The following CAMTA1 variants were observed in gnomAD, a reference collection of about 807,000 sequenced individuals.
CAMTA1 encodes calmodulin-binding transcription activator 1.
A neutral mutation model predicts 170.9 loss-of-function variants in CAMTA1; 27 were observed. The observed-to-expected ratio is 0.16, with a 90% CI of 0.12 to 0.22. The LOEUF (loss-of-function observed/expected upper bound fraction) is 0.22. CAMTA1 is among the 10% of genes least tolerant of loss of function. The pLI, the probability that CAMTA1 is intolerant of heterozygous loss-of-function variation, is 1.00. For synonymous variants in CAMTA1, 833 were observed against 891.5 expected (o/e 0.93, Z 1.17); for missense variants, 1,619 against 2,217.2 (o/e 0.73, Z 5.42).
At chr1:7,272,981 G>A (rs991410773) in intron 5 of CAMTA1, among the ~76,000 whole-genome samples, 7 of 152,130 alleles carry the variant, frequency 4.6e-5, no homozygotes, top group Non-Finnish European at 8.8e-5. Flanking sequence ...TATATGAATA[G>A]CCAATTAACA....
At chr1:7,311,272 A>G (rs975883264) in intron 5 of CAMTA1, among the ~76,000 whole-genome samples, 2 of 152,172 alleles carry the variant, frequency 1.3e-5, no homozygotes, top group African/African-American at 4.8e-5. Flanking sequence ...GTATCATCTC[A>G]TAGTTCCCTA....
intron 11 of CAMTA1, among the ~76,000 whole-genome samples, chr1:7,715,960 T>C (rs949484860): frequency 6.6e-6 from 1 of 152,230 alleles, no homozygotes; most frequent in African/African-American, 2.4e-5. Flanking sequence ...AATATTTATG[T>C]GGTATATTGA....
At chr1:6,982,012 A>G (rs1315895251) in intron 3 of CAMTA1, among the ~76,000 whole-genome samples, 1 of 152,218 alleles carries the variant, frequency 6.6e-6, no homozygotes, top group Non-Finnish European at 1.5e-5. Flanking sequence ...TTACAGGCAT[A>G]ATGTATTTTT....
chr1:7,469,280 G>A (rs1200300898), intron 6 of CAMTA1, among the ~76,000 whole-genome samples: 1 of 152,174 alleles, frequency 6.6e-6, no homozygotes, highest in East Asian at 1.9e-4. Flanking sequence ...TTGTCACATG[G>A]TCATGGGATG....
At chr1:7,294,439 GC>G (rs1330507154) in intron 5 of CAMTA1, among the ~76,000 whole-genome samples, 1 of 152,228 alleles carries the variant, frequency 6.6e-6, no homozygotes, top group African/African-American at 2.4e-5. Flanking sequence ...GAAGGTGTCT[GC>G]AAGACAAAGG....
chr1:7,256,850 G>T (rs1667453409), intron 5 of CAMTA1, among the ~76,000 whole-genome samples: 1 of 152,002 alleles, frequency 6.6e-6, no homozygotes, highest in African/African-American at 2.4e-5. Context: ...TGGGCATTTT[G>T]GTGTCTGGCG....
At chr1:7,056,866 G>C (rs1485634138) in intron 3 of CAMTA1, among the ~76,000 whole-genome samples, 1 of 152,154 alleles carries the variant, frequency 6.6e-6, no homozygotes, top group Non-Finnish European at 1.5e-5. Context: ...AGCTATAGGG[G>C]CCATGAGAGC....
intron 3 of CAMTA1, among the ~76,000 whole-genome samples, chr1:6,989,585 C>T (rs947542303): frequency 2.0e-5 from 3 of 152,176 alleles, no homozygotes; most frequent in African/African-American, 7.2e-5. Flanking sequence ...GGTATCTGCT[C>T]TGTTATTGCT....
chr1:6,940,489 A>C (rs1045575902), intron 3 of CAMTA1, among the ~76,000 whole-genome samples: 1 of 152,200 alleles, frequency 6.6e-6, no homozygotes, highest in Non-Finnish European at 1.5e-5. Flanking sequence ...TCTCATCCAG[A>C]GACACTCCCA....
chr1:7,515,340 A>T (rs543312885), intron 6 of CAMTA1, among the ~76,000 whole-genome samples: 3 of 152,328 alleles, frequency 2.0e-5, no homozygotes, highest in Non-Finnish European at 2.9e-5. Context: ...CTTAAGGAGC[A>T]TTGCCTAAGT....
chr1:7,505,396 A>G (rs535717060), intron 6 of CAMTA1, among the ~76,000 whole-genome samples: 1 of 152,274 alleles, frequency 6.6e-6, no homozygotes, highest in East Asian at 1.9e-4. Flanking sequence ...AGTGCAAAAG[A>G]AAAACAGTCC....
chr1:7,049,024 C>A (rs956327487), intron 3 of CAMTA1, among the ~76,000 whole-genome samples: 1 of 152,216 alleles, frequency 6.6e-6, no homozygotes, highest in Non-Finnish European at 1.5e-5. Context: ...TGCGTGGCTT[C>A]ATTTTAACAA....
At chr1:7,099,262 G>C (rs1211857822) in intron 4 of CAMTA1, among the ~76,000 whole-genome samples, 3 of 152,126 alleles carry the variant, frequency 2.0e-5, no homozygotes, top group Admixed American at 6.6e-5. Flanking sequence ...TGTTGGCCAG[G>C]CTGCTCTCGA....
chr1:7,454,386 A>C (rs2092903229), intron 5 of CAMTA1, among the ~76,000 whole-genome samples: 6 of 152,258 alleles, frequency 3.9e-5, no homozygotes, highest in Admixed American at 3.9e-4. Context: ...TTTATGTGCC[A>C]GTCACTGCAA....
chr1:6,980,266 T>C (rs1031488653), intron 3 of CAMTA1, among the ~76,000 whole-genome samples: 4 of 152,134 alleles, frequency 2.6e-5, no homozygotes, highest in Non-Finnish European at 4.4e-5. Context: ...TCTGCTACCA[T>C]TGGACATCCA....
At chr1:7,690,554 G>C (rs2096299309) in intron 11 of CAMTA1, among the ~76,000 whole-genome samples, 1 of 152,246 alleles carries the variant, frequency 6.6e-6, no homozygotes, top group African/African-American at 2.4e-5. Context: ...GATTGGTCTT[G>C]AGACACATGG....
At chr1:7,539,709 G>T (rs2094587228) in intron 6 of CAMTA1, among the ~76,000 whole-genome samples, 1 of 152,224 alleles carries the variant, frequency 6.6e-6, no homozygotes, top group African/African-American at 2.4e-5. Context: ...GGTGGAGTCT[G>T]CCCACCTCCA....
intron 3 of CAMTA1, among the ~76,000 whole-genome samples, chr1:7,040,380 C>T (rs895035885): frequency 6.6e-6 from 1 of 152,120 alleles, no homozygotes; most frequent in Non-Finnish European, 1.5e-5. Context: ...TATGGCTTTA[C>T]GTGACGGACT....
chr1:7,113,667 C>T lies in CAMTA1; in HGVS notation c.302+22296C>T, dbSNP rs1342115958. 6.6e-6 allele frequency among the ~76,000 whole-genome samples: 1 copy of T among 152,164 alleles called. No individual in the cohort carries two copies. The highest frequency in any genetic ancestry group is 1.5e-5 in the Non-Finnish European group (1 of 68,018). Reference sequence around the variant, plus strand: ...ATGGTAATGAGGAAGCGGCTTTTGTCCAAGAGGTGAGATATGCAAAAATAA... The same window carrying T: ...ATGGTAATGAGGAAGCGGCTTTTGTTCAAGAGGTGAGATATGCAAAAATAA... On this transcript the variant is annotated intron_variant, in intron 4 of 22. Transcript: ENST00000303635. This position sits in a 1 kb window ranked among gnomAD's most constrained non-coding sequence, Gnocchi z 4.5.
Sources: allele counts gnomAD v4.1 joint callset (sites outside exome capture counted in the v4.1 genomes callset), GRCh38; gene constraint gnomAD v4.1.1; non-coding constraint Gnocchi (gnomAD v3.1); transcripts MANE v1.5; gene names NCBI Gene and HGNC (gene_info 2026-07-23, HGNC 2026-07-21).